The following DAAM2 variants were observed in gnomAD, a reference collection of about 807,000 sequenced individuals.
The protein encoded by DAAM2 is disheveled-associated activator of morphogenesis 2.
A neutral mutation model predicts 120.7 loss-of-function variants in DAAM2; 39 were observed. The ratio of observed to expected loss-of-function variants is 0.32; its 90% CI spans 0.25 to 0.42. The LOEUF is 0.42. Among genes scored for constraint, DAAM2 ranks in the 10% least tolerant of loss-of-function variants. The probability of loss-of-function intolerance (pLI) is 1.00; values close to 1 mark genes in which losing one functional copy is unlikely to be tolerated. For synonymous variants in DAAM2, 488 were observed against 524.9 expected, an observed-to-expected ratio of 0.93 and a Z score of 0.96; for missense variants, 1,283 against 1,401.7, an observed-to-expected ratio of 0.92 and a Z score of 1.35.
intron 1 of DAAM2, among the ~76,000 whole-genome samples, chr6:39,852,262 C>T (rs912855883): frequency 1.3e-5 from 2 of 152,188 alleles, no homozygotes; most frequent in Non-Finnish European, 2.9e-5. Flanking sequence ...AATTCTCCTC[C>T]GAGGTGGAAA....
intron 1 of DAAM2, among the ~76,000 whole-genome samples, chr6:39,828,099 C>G (rs1487061373): frequency 3.3e-5 from 5 of 152,232 alleles, no homozygotes; most frequent in African/African-American, 1.2e-4. Context: ...AACCACTGTT[C>G]TGTCTGACTC....
chr6:39,797,623 C>A (rs1447808766), intron 1 of DAAM2, among the ~76,000 whole-genome samples: 2 of 152,178 alleles, frequency 1.3e-5, no homozygotes, highest in African/African-American at 4.8e-5. Context: ...GGAACCTAGG[C>A]GTCCACAGTT....
intron 1 of DAAM2, among the ~76,000 whole-genome samples, chr6:39,839,807 T>C (rs1284636953): frequency 1.3e-5 from 2 of 152,222 alleles, no homozygotes; most frequent in African/African-American, 2.4e-5. Context: ...ACAGACTTGA[T>C]GCAGGAAGCA....
chr6:39,825,259 G>A (rs921932378), intron 1 of DAAM2, among the ~76,000 whole-genome samples: 2 of 152,132 alleles, frequency 1.3e-5, no homozygotes, highest in Admixed American at 1.3e-4. Flanking sequence ...GCATGGTGGT[G>A]TGCGCCTGTA....
intron 1 of DAAM2, among the ~76,000 whole-genome samples, chr6:39,828,570 C>CTTTTTTTTTTTTTTTTTTTTTTTTTTTTT (rs1430820441): frequency 1.4e-5 from 2 of 142,554 alleles, no homozygotes; most frequent in African/African-American, 5.3e-5. Context: ...CCCCCTCCGT[C>CTTTTTTTTTTTTTTTTTTTTTTTTTTTTT]TTTTTTTTTT....
At chr6:39,868,765 G>T (rs1764529739) in intron 6 of DAAM2, 58 bp from the exon 7 acceptor site, 3 of 1,294,940 alleles carry the variant, frequency 2.3e-6, no homozygotes, top group Non-Finnish European at 2.2e-6. Context: ...AGATGCAAAG[G>T]CCACACCTGT....
At chr6:39,803,327 T>C (rs752157550) in intron 1 of DAAM2, among the ~76,000 whole-genome samples, 8 of 152,222 alleles carry the variant, frequency 5.3e-5, no homozygotes, top group East Asian at 1.9e-4. Flanking sequence ...TCCAACTCAA[T>C]AGTGCAGAGG....
intron 1 of DAAM2, among the ~76,000 whole-genome samples, chr6:39,809,787 T>C (rs1037306404): frequency 2.0e-5 from 3 of 152,214 alleles, no homozygotes; most frequent in Non-Finnish European, 4.4e-5. Context: ...TCAGAATTTA[T>C]ATTCAGCTAT....
chr6:39,837,663 CAAAA>C (rs758751293), intron 1 of DAAM2, among the ~76,000 whole-genome samples: 23 of 41,194 alleles, frequency 5.6e-4, no homozygotes, highest in African/African-American at 1.6e-3. Context: ...AACTCCATCT[CAAAA>C]AAAAAAAAAA....
chr6:39,827,265 TTC>T (rs1762707100), intron 1 of DAAM2, among the ~76,000 whole-genome samples: 1 of 152,284 alleles, frequency 6.6e-6, no homozygotes, highest in East Asian at 1.9e-4. Flanking sequence ...GGGCCTCAGT[TTC>T]TCGCCTGTAA....
chr6:39,850,588 T>C (rs1255125851), intron 1 of DAAM2, among the ~76,000 whole-genome samples: 1 of 152,202 alleles, frequency 6.6e-6, no homozygotes, highest in East Asian at 1.9e-4. Context: ...GACACTACTG[T>C]CCTCAAACGT....
intron 15 of DAAM2, chr6:39,885,189 G>A (rs3003936): frequency 0.56 from 85,309 of 152,106 alleles, 24,375 homozygotes; most frequent in East Asian, 0.78. Flanking sequence ...GAGGACACAT[G>A]CAGCCGCTCC....
intron 7 of DAAM2, among the ~76,000 whole-genome samples, chr6:39,869,402 G>A (rs1424161049): frequency 6.6e-6 from 1 of 152,038 alleles, no homozygotes; most frequent in Non-Finnish European, 1.5e-5. Context: ...CTGGTCAACA[G>A]GGTGAAGCCC....
chr6:39,870,693 G>T (rs115241657), intron 8 of DAAM2, among the ~76,000 whole-genome samples: 1 of 152,324 alleles, frequency 6.6e-6, no homozygotes, highest in African/African-American at 2.4e-5. Context: ...CTTCCCCCTG[G>T]GGGGCATGTG....
Position 39,839,941 on chromosome 6 carries a change from T to C in DAAM2, c.-56-16306T>C, listed in dbSNP as rs562296936. Among the ~76,000 whole-genome samples the C allele has an allele frequency of 3.5e-4, 53 of 152,246 alleles. 1 individual carries two copies. Among genetic ancestry groups the C allele is most frequent in the Middle Eastern group, 6.8e-3 (2 of 294 alleles). ...AGAATGGGAGTTTAAGACAGCTGGG[T>C]CATGGCCAGGCGCAGTAGCTCACAC... On this transcript the variant is annotated intron_variant, in intron 1 of 24. Transcript: ENST00000274867.
In DAAM2 at chr6:39,875,481, C is replaced by T; in HGVS notation, c.1301+13C>T. 6.2e-7 allele frequency: 1 copy of T among 1,610,750 alleles called. No individual in the cohort carries two copies. The highest frequency in any genetic ancestry group is 8.5e-7 in the Non-Finnish European group (1 of 1,178,012). The stretch of plus-strand genomic sequence containing the variant: ...ACATCGTCAACATGTGAGCAGTGGC[C>T]AGCCTTTGCCCTGTCTTCCTCCACC... On this transcript the variant is annotated intron_variant, in intron 11 of 24. Transcript: ENST00000274867.
Position 39,902,014 on chromosome 6 carries a change from G to A in DAAM2, c.3184G>A (p.Ala1062Thr), listed in dbSNP as rs2149385583. Residue 1062 changes from alanine to threonine, a missense_variant, in exon 25 of 25, where the codon GCA becomes ACA. Around this residue, in one of 3 missense-constraint regions of DAAM2, gnomAD observed 748 missense variants for 768.6 expected, o/e 0.97. Transcript: ENST00000274867. ...GGCCCTGGAAGTTACCCGGGAGCGGGCAATAAACCGGCTAAATTATTGACC... is the reference window on the plus strand; with the variant it reads ...GGCCCTGGAAGTTACCCGGGAGCGGACAATAAACCGGCTAAATTATTGACC... The part of the protein sequence containing the change: ...SQALEVTRER[A>T]INRLNY The A allele has an allele frequency of 1.2e-6, 2 of 1,608,084 alleles. No homozygotes were observed. Among genetic ancestry groups the A allele is most frequent in the Admixed American group, 3.4e-5 (2 of 59,574 alleles).
chr6:39,883,790 GTA>G, intron 14 of DAAM2, 170 bp from the exon 15 acceptor site: 1 of 601,606 alleles, frequency 1.7e-6, no homozygotes, highest in Non-Finnish European at 3.0e-6. Context: ...CTGGAGCAGA[GTA>G]TTCAAGAGAG....
chr6:39,896,757 GAACT>G, intron 19 of DAAM2, 51 bp from the exon 20 acceptor site: 1 of 1,452,166 alleles, frequency 6.9e-7, no homozygotes, highest in Non-Finnish European at 9.1e-7. Flanking sequence ...GGTGCAATGA[GAACT>G]GCTGCCCTGC....
Sources: allele counts gnomAD v4.1 joint callset (sites outside exome capture counted in the v4.1 genomes callset), GRCh38; gene constraint gnomAD v4.1.1; regional missense constraint gnomAD v4.1.1; transcripts MANE v1.5; gene names NCBI Gene and HGNC (gene_info 2026-07-23, HGNC 2026-07-21).